TMPRSS13: variants seen among roughly 807,000 people sequenced by gnomAD.
TMPRSS13 encodes transmembrane protease serine 13.
A neutral mutation model predicts 68.4 loss-of-function variants in TMPRSS13; 50 were observed. That is an observed-to-expected ratio of 0.73 (90% CI 0.58 to 0.93). TMPRSS13 has a LOEUF of 0.93. TMPRSS13 is among the 40% of genes least tolerant of loss of function. The probability of loss-of-function intolerance (pLI) is 0.00; values close to 1 mark genes in which losing one functional copy is unlikely to be tolerated. For synonymous variants in TMPRSS13, 267 were observed against 285.8 expected (o/e 0.93, Z 0.66); for missense variants, 615 against 729.2 (o/e 0.84, Z 1.80).
chr11:117,909,124 C>T (rs909592868), intron 8 of TMPRSS13, among the ~76,000 whole-genome samples: 3 of 151,900 alleles, frequency 2.0e-5, no homozygotes, highest in East Asian at 1.9e-4. Context: ...TCTGGGGCCT[C>T]GATATGAACT....
At chr11:117,926,589 A>T (rs1173533031) in intron 1 of TMPRSS13, among the ~76,000 whole-genome samples, 1 of 152,242 alleles carries the variant, frequency 6.6e-6, no homozygotes, top group East Asian at 1.9e-4. Context: ...TCTTTCTTTA[A>T]TAAGCATTGC....
Position 117,918,615 on chromosome 11 carries a change from G to A in TMPRSS13, c.245C>T (p.Ala82Val), listed in dbSNP as rs559802033. 4 of 1,532,258 alleles carry A rather than the reference G, an allele frequency of 2.6e-6. No homozygotes were observed. In the Admixed American group the frequency reaches 7.5e-5, roughly 29 times the overall value. The allele number at this position is 1,532,258 out of a possible 1,614,324, so 94.9% of individuals were successfully genotyped here. A position where few individuals can be genotyped will look rare whatever the true frequency, so the allele number is the denominator to read the frequency against. Residue 82 changes from alanine (A) to valine (V), a missense_variant, in exon 2 of 13, where the codon GCC (alanine) becomes GTC (valine). Ala to Val is a moderately conservative substitution (Grantham distance 64). Transcript: ENST00000524993. ...GRASPAQASPAQASPARASPA... is the reference protein window; with the variant it reads ...GRASPAQASPVQASPARASPA... ...AGATGCCCGGGCTGGAGATGCCTGG[G>A]CTGGAGATGCCTGGGCTGGAGATGC...
At chr11:117,903,277 G>C in intron 12 of TMPRSS13, 1 of 1,276,284 alleles carries the variant, frequency 7.8e-7, no homozygotes, top group Non-Finnish European at 1.1e-6. Context: ...GCCATGAAGA[G>C]CGGATTCCCA....
chr11:117,913,734 G>C, intron 5 of TMPRSS13, 43 bp downstream of exon 5: 3 of 1,606,352 alleles, frequency 1.9e-6, no homozygotes, highest in Middle Eastern at 1.7e-4. Flanking sequence ...AAGAGCCTGA[G>C]ACATCCCTGA....
chr11:117,920,575 C>T (rs888913619), intron 1 of TMPRSS13, among the ~76,000 whole-genome samples: 3 of 152,102 alleles, frequency 2.0e-5, no homozygotes, highest in African/African-American at 7.2e-5. Flanking sequence ...TCACTGCGAC[C>T]TCTGCTGGGT....
At chr11:117,912,594 G>A (rs535772986) in intron 5 of TMPRSS13, among the ~76,000 whole-genome samples, 4 of 152,296 alleles carry the variant, frequency 2.6e-5, no homozygotes, top group South Asian at 2.1e-4. Flanking sequence ...CCTGCGTGAC[G>A]CCCTGGCATG....
intron 7 of TMPRSS13, 193 bp downstream of exon 7, chr11:117,910,514 C>G: frequency 1.9e-6 from 1 of 539,638 alleles, no homozygotes; most frequent in South Asian, 3.2e-5. Flanking sequence ...CTACCAGAGT[C>G]AGGAGAAGGG....
chr11:117,911,776 G>T lies in TMPRSS13; in HGVS notation c.894C>A (p.Ser298Arg). Residue 298 changes from serine to arginine, a missense_variant, in exon 6 of 13, where the codon AGC becomes AGA. By Grantham distance (110) the Ser-to-Arg change is moderately radical (BLOSUM62 -1). Coordinates refer to ENST00000524993, the MANE Select transcript of TMPRSS13 (RefSeq NM_001077263.3). ...TGCCTGCCCCACCATACCTGTGGAG[G>T]CTTTCCTGGATGGTGGAGTTGTATC... ...ILRYNSTIQE[S>R]LHRSECPSQR... is the part of the protein sequence containing the mutation. 1 of 1,613,860 alleles carries T rather than the reference G, an allele frequency of 6.2e-7. No homozygotes were observed. The highest frequency in any genetic ancestry group is 8.5e-7 in the Non-Finnish European group (1 of 1,179,886).
intron 10 of TMPRSS13, among the ~76,000 whole-genome samples, 153 bp downstream of exon 10, chr11:117,905,485 C>T (rs989567162): frequency 4.6e-5 from 7 of 152,178 alleles, no homozygotes; most frequent in Non-Finnish European, 8.8e-5. Context: ...TCTATACACA[C>T]ATAATCACAC....
intron 5 of TMPRSS13, among the ~76,000 whole-genome samples, chr11:117,912,617 C>T (rs760424940): frequency 5.3e-5 from 8 of 152,218 alleles, no homozygotes; most frequent in African/African-American, 9.7e-5. Flanking sequence ...ACTTAGCACA[C>T]GCTGCTCCTC....
chr11:117,910,989 C>T (rs2057517702), intron 6 of TMPRSS13, among the ~76,000 whole-genome samples: 2 of 152,234 alleles, frequency 1.3e-5, no homozygotes, highest in Admixed American at 6.5e-5. Context: ...CAACTAGTTT[C>T]CTTGTGGCAC....
intron 9 of TMPRSS13, among the ~76,000 whole-genome samples, chr11:117,907,148 TG>T (rs2057471066): frequency 6.6e-6 from 1 of 152,172 alleles, no homozygotes; most frequent in South Asian, 2.1e-4. Context: ...AAGATTTGGA[TG>T]TTTAGCCAAA....
At position 117,914,043 on chromosome 11, in the gene TMPRSS13, A is replaced by T. The variant is rs2057548530; in HGVS notation, c.680-137T>A. On this transcript the variant is annotated intron_variant, in intron 4 of 12. Coordinates refer to ENST00000524993, the MANE Select transcript of TMPRSS13 (RefSeq NM_001077263.3). The surrounding 1 kb of genome is among the most constrained non-coding windows in gnomAD (Gnocchi z 4.2). ...TGCTGAGGCCTGGGAAAAGTCCAGGAACATGGCCTGGGTCATGGGGGTTAA... is the reference window on the plus strand; with the variant it reads ...TGCTGAGGCCTGGGAAAAGTCCAGGTACATGGCCTGGGTCATGGGGGTTAA... 9.2e-7 allele frequency: 1 copy of T among 1,081,908 alleles called. No individual in the cohort carries two copies. Among genetic ancestry groups the T allele is most frequent in the African/African-American group, 1.6e-5 (1 of 63,384 alleles). The allele number at this position is 1,081,908 out of a possible 1,614,324, so 67.0% of individuals were successfully genotyped here.
Position 117,909,843 on chromosome 11 carries a change from C to T in TMPRSS13, c.1072G>A (p.Ala358Thr), listed in dbSNP as rs201332881. 9.7e-5 allele frequency: 157 copies of T among 1,613,334 alleles called. No individual in the cohort carries two copies. The African/African-American group carries it at 1.9e-3, about 20-fold the overall frequency. Residue 358 changes from alanine (A) to threonine (T), a missense_variant, in exon 8 of 13, where the codon GCC becomes ACC. Physicochemically the swap from Ala to Thr is moderately conservative, Grantham distance 58. Transcript: ENST00000524993. ...THICGGTLID[A>T]QWVLTAAHCF... ...TGGGCGGCAGTGAGCACCCACTGGG[C>T]GTCAATGAGCGTGCCTCCACAGATG... is the stretch of plus-strand genomic sequence containing the variant.
intron 10 of TMPRSS13, 58 bp downstream of exon 10, chr11:117,905,580 T>C (rs2057456409): frequency 1.4e-6 from 2 of 1,425,822 alleles, no homozygotes; most frequent in Non-Finnish European, 1.9e-6. Flanking sequence ...CACACGCACA[T>C]GTATACACAC....
chr11:117,917,073 G>T (rs567924544), intron 3 of TMPRSS13, 97 bp downstream of exon 3: 2 of 972,750 alleles, frequency 2.1e-6, no homozygotes, highest in East Asian at 2.6e-5. Flanking sequence ...GTGAGTGGGT[G>T]CTCCCCACAC....
Position 117,911,869 on chromosome 11 carries a change from G to T in TMPRSS13, c.810-9C>A. On this transcript the variant is annotated splice_polypyrimidine_tract_variant and intron_variant, in intron 5 of 12. Coordinates refer to ENST00000524993, the MANE Select transcript of TMPRSS13 (RefSeq NM_001077263.3). The stretch of plus-strand genomic sequence containing the variant: ...CGGTTGTCCGGTGAGCACTACAAGG[G>T]AGCAGAGGGGAGAAGAATGAGCCCC... 6.2e-7 allele frequency: 1 copy of T among 1,611,568 alleles called. No individual in the cohort carries two copies. Among genetic ancestry groups the T allele is most frequent in the Non-Finnish European group, 8.5e-7 (1 of 1,178,026 alleles).
chr11:117,929,113 C>T (rs1163691876), intron 1 of TMPRSS13, among the ~76,000 whole-genome samples, 174 bp downstream of exon 1: 1 of 152,126 alleles, frequency 6.6e-6, no homozygotes, highest in Non-Finnish European at 1.5e-5. Flanking sequence ...TTTCTAGAAC[C>T]ACGTTAAAAG....
chr11:117,924,683 G>A (rs932204172), intron 1 of TMPRSS13, among the ~76,000 whole-genome samples: 4 of 152,218 alleles, frequency 2.6e-5, no homozygotes, highest in South Asian at 2.1e-4. Flanking sequence ...GCGAGGGCCC[G>A]GCTGGACTGG....
Sources: allele counts gnomAD v4.1 joint callset (sites outside exome capture counted in the v4.1 genomes callset), GRCh38; gene constraint gnomAD v4.1.1; non-coding constraint Gnocchi (gnomAD v3.1); transcripts MANE v1.5; gene names NCBI Gene and HGNC (gene_info 2026-07-23, HGNC 2026-07-21).